The following UBE2E2 variants were observed in gnomAD, a reference collection of about 807,000 sequenced individuals.
UBE2E2 encodes ubiquitin-conjugating enzyme E2 E2.
A neutral mutation model predicts 24.7 loss-of-function variants in UBE2E2; 6 were observed. The observed-to-expected ratio is 0.24, with a 90% CI of 0.13 to 0.48. The LOEUF (loss-of-function observed/expected upper bound fraction) is 0.48, where lower values mean the gene tolerates loss of function less well. Ranked by LOEUF, UBE2E2 falls within the 20% of genes least tolerant of loss-of-function variation. UBE2E2 has a pLI of 0.99. For synonymous variants in UBE2E2, 104 were observed against 83.6 expected (o/e 1.24, Z -1.33); for missense variants, 169 against 245.0 (o/e 0.69, Z 2.07).
At chr3:23,518,857 A>T (rs529585873) in intron 4 of UBE2E2, among the ~76,000 whole-genome samples, 1 of 152,294 alleles carries the variant, frequency 6.6e-6, no homozygotes, top group South Asian at 2.1e-4. Flanking sequence ...TGTTAAGACA[A>T]TATTCAAAGA....
chr3:23,335,321 G>C (rs561452720), intron 3 of UBE2E2, among the ~76,000 whole-genome samples: 1 of 152,204 alleles, frequency 6.6e-6, no homozygotes, highest in African/African-American at 2.4e-5. Flanking sequence ...TTTCATTGGC[G>C]TAGTTCATTT....
intron 3 of UBE2E2, among the ~76,000 whole-genome samples, chr3:23,434,848 C>T (rs1698148055): frequency 6.6e-6 from 1 of 151,904 alleles, no homozygotes. Context: ...TGATTTTTTT[C>T]CATTTGCTTA....
In UBE2E2 at chr3:23,406,977, G is replaced by C. The variant is rs74906316; in HGVS notation, c.228-92631G>C. ...GGAGGGCAGGGGCTGGGGTGTGGAAGGGTCCACAGGAAAGCCCATTCCAAA... is the reference window on the plus strand; with the variant it reads ...GGAGGGCAGGGGCTGGGGTGTGGAACGGTCCACAGGAAAGCCCATTCCAAA... On this transcript the variant is annotated intron_variant, in intron 3 of 5. Transcript: ENST00000396703. 5.6e-4 allele frequency among the ~76,000 whole-genome samples: 86 copies of C among 152,306 alleles called. 3 individuals are homozygous for C. The East Asian group carries it at 0.015, about 27-fold the overall frequency.
intron 3 of UBE2E2, among the ~76,000 whole-genome samples, chr3:23,471,321 C>T (rs1699029472): frequency 6.6e-6 from 1 of 152,064 alleles, no homozygotes; most frequent in Non-Finnish European, 1.5e-5. Context: ...ATATCAAAAC[C>T]AAAAACCTAC....
chr3:23,441,002 G>A (rs71322190), intron 3 of UBE2E2, among the ~76,000 whole-genome samples: 10,988 of 152,128 alleles, frequency 0.072, 516 homozygotes, highest in Non-Finnish European at 0.088. Context: ...AAAATCCCTT[G>A]CCACTGACAT....
At chr3:23,417,810 G>T (rs1449869701) in intron 3 of UBE2E2, among the ~76,000 whole-genome samples, 1 of 152,160 alleles carries the variant, frequency 6.6e-6, no homozygotes, top group South Asian at 2.1e-4. Flanking sequence ...TGCAAGCTGT[G>T]GTGGGCCCTA....
chr3:23,306,656 T>C (rs756698956), intron 3 of UBE2E2, among the ~76,000 whole-genome samples: 1 of 152,198 alleles, frequency 6.6e-6, no homozygotes, highest in Non-Finnish European at 1.5e-5. Flanking sequence ...ATGTACCCAT[T>C]GTTTCTGCTT....
intron 3 of UBE2E2, among the ~76,000 whole-genome samples, chr3:23,466,597 T>C (rs1475394963): frequency 6.6e-6 from 1 of 152,124 alleles, no homozygotes; most frequent in African/African-American, 2.4e-5. Flanking sequence ...AGACAGAGTC[T>C]CACTCTATCG....
chr3:23,288,343 A>G (rs769397883), intron 3 of UBE2E2, among the ~76,000 whole-genome samples: 10 of 152,192 alleles, frequency 6.6e-5, no homozygotes, highest in Admixed American at 2.0e-4. Context: ...TATATAGTCT[A>G]TCCTTGGGAA....
chr3:23,491,490 A>T (rs571874458), intron 3 of UBE2E2, among the ~76,000 whole-genome samples: 1 of 152,332 alleles, frequency 6.6e-6, no homozygotes, highest in Non-Finnish European at 1.5e-5. Flanking sequence ...CCAAGTTAAG[A>T]ACTAGGGGTC....
intron 3 of UBE2E2, among the ~76,000 whole-genome samples, chr3:23,482,153 C>T (rs1218016620): frequency 6.6e-6 from 1 of 152,184 alleles, no homozygotes; most frequent in Non-Finnish European, 1.5e-5. Context: ...TAACTTCACT[C>T]TTTTGAGCAA....
chr3:23,558,522 A>G (rs1242651894), intron 5 of UBE2E2, among the ~76,000 whole-genome samples: 1 of 151,924 alleles, frequency 6.6e-6, no homozygotes, highest in Non-Finnish European at 1.5e-5. Flanking sequence ...TCTCCAAGAA[A>G]AGGTTCAAGA....
chr3:23,465,170 T>C (rs1559392056), intron 3 of UBE2E2, among the ~76,000 whole-genome samples: 1 of 152,200 alleles, frequency 6.6e-6, no homozygotes, highest in Non-Finnish European at 1.5e-5. Flanking sequence ...TTCCCAACAA[T>C]CCTTTGAGGT....
chr3:23,222,195 G>A (rs181549872), intron 3 of UBE2E2, among the ~76,000 whole-genome samples: 2 of 152,132 alleles, frequency 1.3e-5, no homozygotes, highest in African/African-American at 2.4e-5. Flanking sequence ...TTTTATGGTT[G>A]AATTAAATAT....
At chr3:23,376,735 C>A (rs972137065) in intron 3 of UBE2E2, among the ~76,000 whole-genome samples, 1 of 152,214 alleles carries the variant, frequency 6.6e-6, no homozygotes, top group South Asian at 2.1e-4. Context: ...GGCAATGTCA[C>A]AGCATGTCCT....
intron 4 of UBE2E2, among the ~76,000 whole-genome samples, chr3:23,513,603 A>T (rs1304908496): frequency 6.6e-6 from 1 of 152,188 alleles, no homozygotes; most frequent in African/African-American, 2.4e-5. Flanking sequence ...CTAATGATGT[A>T]TGCATGTTCA....
intron 3 of UBE2E2, among the ~76,000 whole-genome samples, chr3:23,244,401 A>G (rs572726275): frequency 1.3e-5 from 2 of 152,252 alleles, no homozygotes; most frequent in Non-Finnish European, 1.5e-5. Context: ...CAGGTTATGT[A>G]TGTCTTCATG....
chr3:23,327,228 A>T (rs1694924991), intron 3 of UBE2E2, among the ~76,000 whole-genome samples: 1 of 152,214 alleles, frequency 6.6e-6, no homozygotes, highest in Non-Finnish European at 1.5e-5. Context: ...TTCTAGTTCT[A>T]GGTCCTTGAG....
chr3:23,356,564 T>C (rs1051498108), intron 3 of UBE2E2, among the ~76,000 whole-genome samples: 3 of 152,192 alleles, frequency 2.0e-5, no homozygotes, highest in Admixed American at 1.3e-4. Flanking sequence ...TCTCCTCTTA[T>C]ACCCAAGTGC....
Sources: allele counts gnomAD v4.1 joint callset (sites outside exome capture counted in the v4.1 genomes callset), GRCh38; gene constraint gnomAD v4.1.1; transcripts MANE v1.5; gene names NCBI Gene and HGNC (gene_info 2026-07-23, HGNC 2026-07-21).